TMEM184B: variants seen among roughly 807,000 people sequenced by gnomAD.
The protein encoded by TMEM184B is putative MAPK-activating protein FM08.
A neutral mutation model predicts 41.8 loss-of-function variants in TMEM184B; 17 were observed. That is an observed-to-expected ratio of 0.41 (90% CI 0.28 to 0.61). The LOEUF (loss-of-function observed/expected upper bound fraction) is 0.61. TMEM184B is among the 20% of genes least tolerant of loss of function. The pLI is 0.34. For missense variants in TMEM184B, 393 were observed against 557.8 expected, an observed-to-expected ratio of 0.70 and a Z score of 2.98; for synonymous variants, 240 against 229.5, an observed-to-expected ratio of 1.05 and a Z score of -0.41.
In TMEM184B at chr22:38,219,673, G is replaced by C. The variant is rs1397280493; in HGVS notation, c.*1796C>G. The C allele has an allele frequency of 5.1e-6, 5 of 985,474 alleles. No homozygotes were observed. Among genetic ancestry groups the C allele is most frequent in the Non-Finnish European group, 4.8e-6 (4 of 829,930 alleles). 61.0% of individuals were successfully genotyped at this position (985,474 alleles called of 1,614,324 possible). ...CCCCACCCTCCACGCAAACAGCAACGCTGGGCAGGCGAAAACCAAGGGAGT... is the reference window on the plus strand; with the variant it reads ...CCCCACCCTCCACGCAAACAGCAACCCTGGGCAGGCGAAAACCAAGGGAGT... On this transcript the variant is annotated 3_prime_UTR_variant, in exon 9 of 9. Transcript: ENST00000361906.
chr22:38,231,297 C>G lies in TMEM184B; in HGVS notation c.396G>C (p.Glu132Asp). 6.2e-7 allele frequency: 1 copy of G among 1,614,162 alleles called. No individual in the cohort carries two copies. Among genetic ancestry groups the G allele is most frequent in the Non-Finnish European group, 8.5e-7 (1 of 1,180,028 alleles). Reference protein sequence around the residue: ...VIYNFLSLCYEYLGGESSIMS... With the variant: ...VIYNFLSLCYDYLGGESSIMS... ...TGATGGAACTTTCTCCTCCTAGGTA[C>G]TCATAGCACAGGCTCAGGAAATTAT... The change falls in exon 4 of 9, where the codon GAG (glutamate) becomes GAC (aspartate). Residue 132 changes from glutamate to aspartate, a missense_variant. Coordinates refer to ENST00000361906, the MANE Select transcript of TMEM184B (RefSeq NM_012264.5).
At chr22:38,261,818 G>A (rs2092372413) in intron 1 of TMEM184B, among the ~76,000 whole-genome samples, 1 of 152,166 alleles carries the variant, frequency 6.6e-6, no homozygotes, top group South Asian at 2.1e-4. Context: ...CAGGATCCCT[G>A]TACCTGCTCT....
chr22:38,235,326 GCTCC>G (rs2091746048), intron 3 of TMEM184B, among the ~76,000 whole-genome samples: 3 of 152,224 alleles, frequency 2.0e-5, no homozygotes, highest in Non-Finnish European at 4.4e-5. Flanking sequence ...CTATCTGGAA[GCTCC>G]CTCCCGGGAG....
rs1028437765 is a variant in TMEM184B, at chr22:38,245,825, G to C, written c.358+110C>G. On this transcript the variant is annotated intron_variant, in intron 3 of 8. Coordinates refer to ENST00000361906, the MANE Select transcript of TMEM184B (RefSeq NM_012264.5). ...AACCCTGTAGTAGGTAAAGCAGCAA[G>C]GGGTGTGTCAAGACAGTCCTCATGA... 11 of 1,133,296 alleles carry C rather than the reference G, an allele frequency of 9.7e-6. No homozygotes were observed. In the African/African-American group the frequency reaches 1.7e-4, roughly 18 times the overall value. The allele number at this position is 1,133,296 out of a possible 1,614,324, so 70.2% of individuals were successfully genotyped here. A position where few individuals can be genotyped will look rare whatever the true frequency, so the allele number is the denominator to read the frequency against.
In TMEM184B at chr22:38,219,649, C is replaced by T; in HGVS notation, c.*1820G>A. ...GCTGATTCCCTGCCACTGAGCTCCC[C>T]CCACCCTCCACGCAAACAGCAACGC... On this transcript the variant is annotated 3_prime_UTR_variant, in exon 9 of 9. Coordinates refer to ENST00000361906, the MANE Select transcript of TMEM184B (RefSeq NM_012264.5). The T allele has an allele frequency of 1.0e-6, 1 of 985,526 alleles. No homozygotes were observed. The highest frequency in any genetic ancestry group is 1.2e-6 in the Non-Finnish European group (1 of 829,956). 61.0% of individuals were successfully genotyped at this position (985,526 alleles called of 1,614,324 possible).
intron 8 of TMEM184B, chr22:38,222,521 C>T: frequency 1.1e-6 from 1 of 938,672 alleles, no homozygotes; most frequent in Non-Finnish European, 1.3e-6. Context: ...GCGCTCCCAC[C>T]CAGGGGGTGC....
intron 1 of TMEM184B, among the ~76,000 whole-genome samples, chr22:38,266,253 A>G (rs1333612215): frequency 6.6e-6 from 1 of 152,236 alleles, no homozygotes; most frequent in Non-Finnish European, 1.5e-5. Flanking sequence ...AGCAACAGGC[A>G]CACGTGCTTC....
chr22:38,241,378 A>C (rs2091902475), intron 3 of TMEM184B, among the ~76,000 whole-genome samples: 1 of 152,188 alleles, frequency 6.6e-6, no homozygotes, highest in East Asian at 1.9e-4. Flanking sequence ...TGGAGCAAAA[A>C]CAAAAAGTTA....
chr22:38,260,493 C>T (rs1161913392), intron 1 of TMEM184B, among the ~76,000 whole-genome samples: 1 of 152,174 alleles, frequency 6.6e-6, no homozygotes, highest in Non-Finnish European at 1.5e-5. Flanking sequence ...ACTGCCACTG[C>T]CGTGCTGTGA....
At chr22:38,235,700 C>T (rs980842117) in intron 3 of TMEM184B, among the ~76,000 whole-genome samples, 1 of 152,244 alleles carries the variant, frequency 6.6e-6, no homozygotes, top group African/African-American at 2.4e-5. Flanking sequence ...CACTGACCAA[C>T]TGGACACATC....
chr22:38,216,758 T>C (rs1419423521), downstream of TMEM184B, among the ~76,000 whole-genome samples: 1 of 152,004 alleles, frequency 6.6e-6, no homozygotes, highest in Non-Finnish European at 1.5e-5. Context: ...TAGGACTGGA[T>C]TCTGGCGGAG....
chr22:38,232,340 C>T (rs2091654360), intron 3 of TMEM184B: 1 of 152,204 alleles, frequency 6.6e-6, no homozygotes, highest in Admixed American at 6.5e-5. Context: ...AATGTTGATG[C>T]TATAAATACA....
intron 1 of TMEM184B, among the ~76,000 whole-genome samples, chr22:38,262,352 G>A (rs1471027097): frequency 6.6e-6 from 1 of 152,256 alleles, no homozygotes; most frequent in East Asian, 1.9e-4. Flanking sequence ...GAGGTCAGAA[G>A]GCAGTGCAGA....
chr22:38,218,320 T>A (rs1168535125), downstream of TMEM184B, among the ~76,000 whole-genome samples: 5 of 152,190 alleles, frequency 3.3e-5, no homozygotes, highest in Non-Finnish European at 7.3e-5. Flanking sequence ...GGGGTTTGAA[T>A]CTAGGTGTCT....
intron 8 of TMEM184B, 28 bp downstream of exon 8, chr22:38,224,757 G>T: frequency 6.5e-7 from 1 of 1,543,624 alleles, no homozygotes; most frequent in African/African-American, 1.4e-5. Flanking sequence ...TTCTCCCAGC[G>T]GGGGTCGCCT....
chr22:38,219,760 T>C lies in TMEM184B; in HGVS notation c.*1709A>G, dbSNP rs2091208758. The C allele has an allele frequency of 3.0e-6, 3 of 985,562 alleles. No individual in the cohort carries two copies. Among genetic ancestry groups the C allele is most frequent in the South Asian group, 4.7e-5 (1 of 21,286 alleles). 61.1% of individuals were successfully genotyped at this position (985,562 alleles called of 1,614,324 possible). On this transcript the variant is annotated 3_prime_UTR_variant, in exon 9 of 9. Coordinates refer to ENST00000361906, the MANE Select transcript of TMEM184B (RefSeq NM_012264.5). ...AAGCCACGGTGGAGAGACAGCTTGG[T>C]GAAAGCAGATGGCGGGGCAGGGCCA...
intron 5 of TMEM184B, 70 bp downstream of exon 5, chr22:38,230,599 C>T (rs1262969636): frequency 6.6e-7 from 1 of 1,508,908 alleles, no homozygotes; most frequent in African/African-American, 1.4e-5. Flanking sequence ...GGGCCCAGGG[C>T]AGCCCACGGC....
chr22:38,247,984 C>T lies in TMEM184B; in HGVS notation c.-23G>A, dbSNP rs757360149. 2.4e-5 allele frequency: 37 copies of T among 1,547,680 alleles called. No individual in the cohort carries two copies. The highest frequency in any genetic ancestry group is 3.1e-5 in the Non-Finnish European group (36 of 1,152,680). ...CATGGTGCCTGGCAGCAGGAGGCTC[C>T]CTGAGGGAAACCTTTGCAGAAAGTG... is the stretch of plus-strand genomic sequence containing the variant. On this transcript the variant is annotated 5_prime_UTR_variant, in exon 2 of 9. Transcript: ENST00000361906.
Position 38,226,644 on chromosome 22 carries a change from C to T in TMEM184B, c.617+135G>A. The T allele has an allele frequency of 1.2e-6, 1 of 864,888 alleles. No homozygotes were observed. The highest frequency in any genetic ancestry group is 1.8e-6 in the Non-Finnish European group (1 of 556,692). 53.6% of individuals were successfully genotyped at this position (864,888 alleles called of 1,614,324 possible). ...GGTGTCCACTGCTGGGCTCAGACTT[C>T]AGGGGGGTTGTGAGCACCAGACACC... is the stretch of plus-strand genomic sequence containing the variant. On this transcript the variant is annotated intron_variant, in intron 6 of 8. Transcript: ENST00000361906. The surrounding 1 kb of genome is among the most constrained non-coding windows in gnomAD (Gnocchi z 4.6).
Sources: gnomAD v4.1 joint callset for allele counts (sites outside exome capture counted in the v4.1 genomes callset) on GRCh38, gnomAD v4.1.1 for gene constraint, Gnocchi (gnomAD v3.1) non-coding constraint, MANE v1.5 for transcripts, NCBI Gene and HGNC (gene_info 2026-07-23, HGNC 2026-07-21) for gene names.